The following RIPK2 variants were observed in gnomAD, a reference collection of about 807,000 sequenced individuals.
The protein encoded by RIPK2 is receptor interacting serine/threonine kinase 2.
A neutral mutation model predicts 60.9 loss-of-function variants in RIPK2; 38 were observed. That is an observed-to-expected ratio of 0.62 (90% CI 0.48 to 0.82). RIPK2 has a LOEUF of 0.82. Among genes scored for constraint, RIPK2 ranks in the 40% least tolerant of loss-of-function variants. The probability of loss-of-function intolerance (pLI) is 0.00; values close to 1 mark genes in which losing one functional copy is unlikely to be tolerated. For missense variants in RIPK2, 518 were observed against 647.0 expected (o/e 0.80, Z 2.16); for synonymous variants, 225 against 223.4 (o/e 1.01, Z -0.06).
chr8:89,784,141 TAAAAAAAAA>T lies in RIPK2; in HGVS notation c.1029+17_1029+25del, dbSNP rs71268283. The T allele has an allele frequency of 4.6e-4, 257 of 557,896 alleles. No homozygotes were observed. The highest frequency in any genetic ancestry group is 6.5e-4 in the Admixed American group (13 of 19,942). 34.6% of individuals were successfully genotyped at this position (557,896 alleles called of 1,614,324 possible). A position where few individuals can be genotyped will look rare whatever the true frequency, so the allele number is the denominator to read the frequency against. ...CCTGTAAATCATGGTCCACAAGAGG[TAAAAAAAAA>T]AAAAAAAAAAAAAAGGTTATATTAA... On this transcript the variant is annotated splice_donor_5th_base_variant and intron_variant, in intron 8 of 10. Transcript: ENST00000220751.
At position 89,775,293 on chromosome 8, in the gene RIPK2, A is replaced by T. The variant is rs147829388; in HGVS notation, c.853+2465A>T. ...TCTCAACAAAAATAAAAATAAAAAA[A>T]AAATAAAAAATTAGCCAGACATGGT... On this transcript the variant is annotated intron_variant, in intron 6 of 10. Coordinates refer to ENST00000220751, the MANE Select transcript of RIPK2 (RefSeq NM_003821.6). 5.4e-3 allele frequency among the ~76,000 whole-genome samples: 824 copies of T among 152,182 alleles called. 5 individuals carry two copies. Among genetic ancestry groups the T allele is most frequent in the South Asian group, 6.6e-3 (32 of 4,822 alleles).
At chr8:89,766,898 G>A (rs1413374953) in intron 3 of RIPK2, among the ~76,000 whole-genome samples, 3 of 151,216 alleles carry the variant, frequency 2.0e-5, no homozygotes, top group African/African-American at 7.3e-5. Flanking sequence ...ATTTGTTACA[G>A]TAGTAGTTCT....
Position 89,758,036 on chromosome 8 carries a change from G to A in RIPK2, c.-25G>A, listed in dbSNP as rs759601784. On this transcript the variant is annotated 5_prime_UTR_variant, in exon 1 of 11. Coordinates refer to ENST00000220751, the MANE Select transcript of RIPK2 (RefSeq NM_003821.6). ...AGCCGCCGCAGCAGGGGGCACACCC[G>A]GAACCGGCCTGAGCGCCCGGGACCA... The A allele has an allele frequency of 1.4e-5, 21 of 1,549,562 alleles. No individual in the cohort carries two copies. In the South Asian group the frequency reaches 2.3e-4, roughly 17 times the overall value.
At chr8:89,777,202 T>G (rs1380665871) in intron 6 of RIPK2, among the ~76,000 whole-genome samples, 1 of 152,240 alleles carries the variant, frequency 6.6e-6, no homozygotes, top group Non-Finnish European at 1.5e-5. Flanking sequence ...GTGAAGTCAG[T>G]AAGCCAAAAG....
intron 7 of RIPK2, among the ~76,000 whole-genome samples, chr8:89,783,735 A>G (rs564452559): frequency 6.6e-6 from 1 of 152,194 alleles, no homozygotes; most frequent in Non-Finnish European, 1.5e-5. Context: ...TTTATACCAG[A>G]TATTTCATAT....
chr8:89,769,911 T>G lies in RIPK2; in HGVS notation c.623T>G (p.Ile208Ser), dbSNP rs1479686176. 2 of 1,604,226 alleles carry G rather than the reference T, an allele frequency of 1.2e-6. No individual in the cohort carries two copies. Among genetic ancestry groups the G allele is most frequent in the South Asian group, 1.1e-5 (1 of 89,810 alleles). The change falls in exon 4 of 11, where the codon ATC becomes AGC. Residue 208 changes from isoleucine (I) to serine (S), a missense_variant. Coordinates refer to ENST00000220751, the MANE Select transcript of RIPK2 (RefSeq NM_003821.6). ...CCTGGACAAAAATCAAGGGCCAGTA[T>G]CAAGCACGATATATATAGGTAGAGT... ...YEPGQKSRAS[I>S]KHDIYSYAVI...
At chr8:89,779,153 A>G in intron 6 of RIPK2, among the ~76,000 whole-genome samples, 1 of 151,976 alleles carries the variant, frequency 6.6e-6, no homozygotes, top group East Asian at 1.9e-4. Flanking sequence ...TGTTATTGTC[A>G]TGGGTCTGTA....
chr8:89,766,168 G>A (rs1809226745), intron 3 of RIPK2, among the ~76,000 whole-genome samples: 1 of 151,866 alleles, frequency 6.6e-6, no homozygotes, highest in African/African-American at 2.4e-5. Flanking sequence ...AGTTGTGCTT[G>A]TAACAATAGT....
At chr8:89,777,580 AGTGTGT>A (rs35518918) in intron 6 of RIPK2, among the ~76,000 whole-genome samples, 1 of 151,110 alleles carries the variant, frequency 6.6e-6, no homozygotes, top group African/African-American at 2.4e-5. Context: ...GTACAGTGTG[AGTGTGT>A]GTGTGTGTGT....
intron 2 of RIPK2, among the ~76,000 whole-genome samples, chr8:89,764,529 T>C (rs1809195127): frequency 6.6e-6 from 1 of 152,204 alleles, no homozygotes; most frequent in South Asian, 2.1e-4. Flanking sequence ...TGATTCATCG[T>C]GGATCTTCCC....
intron 6 of RIPK2, among the ~76,000 whole-genome samples, chr8:89,774,044 C>T (rs887699777): frequency 1.4e-4 from 22 of 151,772 alleles, no homozygotes; most frequent in African/African-American, 5.3e-4. Context: ...GTGATCGTGC[C>T]TATGAATAGC....
Position 89,790,562 on chromosome 8 carries a change from GTATTTTTTTTAA to G in RIPK2, c.*148_*159del. On this transcript the variant is annotated 3_prime_UTR_variant, in exon 11 of 11. Coordinates refer to ENST00000220751, the MANE Select transcript of RIPK2 (RefSeq NM_003821.6). The stretch of plus-strand genomic sequence containing the variant: ...ATTAGTCTCCCTCCATGACACTGCA[GTATTTTTTTTAA>G]TTAATACAAGTAAAAAGTTTGAATT... 1.8e-6 allele frequency: 1 copy of G among 550,420 alleles called. No homozygotes were observed. Among genetic ancestry groups the G allele is most frequent in the East Asian group, 3.0e-5 (1 of 33,382 alleles). The allele number at this position is 550,420 out of a possible 1,614,324, so 34.1% of individuals were successfully genotyped here.
chr8:89,790,081 C>T lies in RIPK2; in HGVS notation c.1288C>T (p.Arg430Cys), dbSNP rs576345924. ...NPLSTAGNSE[R>C]LQPGIAQQWI... Reference sequence around the variant, plus strand: ...ATTCATTCCTTGTTCTTTTTCAGAACGTCTGCAGCCTGGTATAGCCCAGCA... The same window carrying T: ...ATTCATTCCTTGTTCTTTTTCAGAATGTCTGCAGCCTGGTATAGCCCAGCA... Residue 430 changes from arginine to cysteine, a missense_variant and splice_region_variant, in exon 11 of 11, where the codon CGT becomes TGT. Around this residue, in one of 3 missense-constraint regions of RIPK2, gnomAD observed 448 missense variants for 534.7 expected, o/e 0.84. Transcript: ENST00000220751. The T allele has an allele frequency of 1.4e-5, 23 of 1,601,572 alleles. 1 individual carries two copies. The South Asian group carries it at 2.1e-4, about 15-fold the overall frequency.
chr8:89,776,322 C>G (rs1412398486), intron 6 of RIPK2, among the ~76,000 whole-genome samples: 11 of 152,122 alleles, frequency 7.2e-5, no homozygotes. Flanking sequence ...TCCAACAGTA[C>G]GAGATAATTA....
chr8:89,759,641 G>T (rs1460194336), intron 1 of RIPK2, among the ~76,000 whole-genome samples: 1 of 152,206 alleles, frequency 6.6e-6, no homozygotes, highest in East Asian at 1.9e-4. Flanking sequence ...TGATATACAA[G>T]GTGTGGTGTC....
chr8:89,790,094 G>C lies in RIPK2; in HGVS notation c.1301G>C (p.Gly434Ala), dbSNP rs1389649563. Residue 434 changes from glycine to alanine, a missense_variant, in exon 11 of 11, where the codon GGT (glycine) becomes GCT (alanine). This residue lies in a region of RIPK2 where 448 missense variants were observed against 534.7 expected (regional missense o/e 0.84). Transcript: ENST00000220751. ...TAGNSERLQP[G>A]IAQQWIQSKR... ...TCTTTTTCAGAACGTCTGCAGCCTGGTATAGCCCAGCAGTGGATCCAGAGC... is the reference window on the plus strand; with the variant it reads ...TCTTTTTCAGAACGTCTGCAGCCTGCTATAGCCCAGCAGTGGATCCAGAGC... The C allele has an allele frequency of 6.2e-7, 1 of 1,613,012 alleles. No individual in the cohort carries two copies. The highest frequency in any genetic ancestry group is 8.5e-7 in the Non-Finnish European group (1 of 1,179,472).
At position 89,788,187 on chromosome 8, in the gene RIPK2, C is replaced by CA. The variant is rs200745857; in HGVS notation, c.1124-1127dup. Among the ~76,000 whole-genome samples, 939 of 151,472 alleles carry CA rather than the reference C, an allele frequency of 6.2e-3. 16 individuals carry two copies. Among genetic ancestry groups the CA allele is most frequent in the Admixed American group, 0.027 (407 of 15,184 alleles). ...CAAAACCCCATCTCTACTAAAAATA[C>CA]AAAAAAATTAGCGGGTATGGTGGTG... On this transcript the variant is annotated intron_variant, in intron 9 of 10. Coordinates refer to ENST00000220751, the MANE Select transcript of RIPK2 (RefSeq NM_003821.6).
chr8:89,781,740 A>G (rs1273439754), intron 7 of RIPK2, among the ~76,000 whole-genome samples: 2 of 152,160 alleles, frequency 1.3e-5, no homozygotes, highest in East Asian at 3.9e-4. Context: ...ACTGAACCCT[A>G]TGTATACTGT....
chr8:89,788,403 A>ATGTTTT (rs1227481006), intron 9 of RIPK2, among the ~76,000 whole-genome samples: 1 of 152,082 alleles, frequency 6.6e-6, no homozygotes. Flanking sequence ...TATACTTTTA[A>ATGTTTT]TGTTTTTGTT....
Sources: gnomAD v4.1 joint callset for allele counts (sites outside exome capture counted in the v4.1 genomes callset) on GRCh38, gnomAD v4.1.1 for gene constraint, gnomAD v4.1.1 regional missense constraint, MANE v1.5 for transcripts, NCBI Gene and HGNC (gene_info 2026-07-23, HGNC 2026-07-21) for gene names.